The following FHOD3 variants were observed in gnomAD, a reference collection of about 807,000 sequenced individuals.
The protein encoded by FHOD3 is FH1/FH2 domain-containing protein 3.
A neutral mutation model predicts 173.0 loss-of-function variants in FHOD3; 90 were observed. That is an observed-to-expected ratio of 0.52 (90% CI 0.44 to 0.62). The LOEUF is 0.62. Ranked by LOEUF, FHOD3 falls within the 20% of genes least tolerant of loss-of-function variation. The pLI is 0.00. For missense variants in FHOD3, 1,945 were observed against 2,034.7 expected, an observed-to-expected ratio of 0.96 and a Z score of 0.85; for synonymous variants, 828 against 823.0, an observed-to-expected ratio of 1.01 and a Z score of -0.10.
At chr18:36,580,555 C>T (rs753117103) in intron 6 of FHOD3, among the ~76,000 whole-genome samples, 4 of 152,142 alleles carry the variant, frequency 2.6e-5, no homozygotes, top group Non-Finnish European at 4.4e-5. Context: ...CTGTTCTAGG[C>T]GAGTTGCTGA....
intron 24 of FHOD3, among the ~76,000 whole-genome samples, chr18:36,753,713 A>G (rs1480987866): frequency 6.6e-6 from 1 of 152,086 alleles, no homozygotes; most frequent in African/African-American, 2.4e-5. Context: ...ATCCTCACCA[A>G]CATTTGTTCT....
intron 9 of FHOD3, among the ~76,000 whole-genome samples, chr18:36,622,530 T>C (rs1380800100): frequency 1.3e-5 from 2 of 152,218 alleles, no homozygotes; most frequent in Non-Finnish European, 2.9e-5. Flanking sequence ...GTTTTTAGTT[T>C]ACAAATAGCG....
At chr18:36,599,269 C>G (rs1204555074) in intron 7 of FHOD3, among the ~76,000 whole-genome samples, 2 of 152,206 alleles carry the variant, frequency 1.3e-5, no homozygotes, top group Non-Finnish European at 2.9e-5. Context: ...TGTCCTAAAT[C>G]TCAGGTCCCA....
intron 3 of FHOD3, among the ~76,000 whole-genome samples, chr18:36,400,045 C>T (rs538998454): frequency 2.2e-4 from 33 of 152,102 alleles, no homozygotes; most frequent in Admixed American, 3.3e-4. Flanking sequence ...GGATCCTGGC[C>T]GCAGACATCT....
chr18:36,763,533 T>C lies in FHOD3; in HGVS notation c.4624+2751T>C, dbSNP rs34854912. On this transcript the variant is annotated intron_variant, in intron 27 of 28. Coordinates refer to ENST00000590592, the MANE Select transcript of FHOD3 (RefSeq NM_001281740.3). ...TATTATACACGTTATATATAATATG[T>C]GTATTATACACGTTATATATAATAT... is the stretch of plus-strand genomic sequence containing the variant. Among the ~76,000 whole-genome samples the C allele has an allele frequency of 1.6e-4, 18 of 115,556 alleles. 2 individuals are homozygous for C. Among genetic ancestry groups the C allele is most frequent in the Non-Finnish European group, 2.7e-4 (14 of 52,140 alleles). 75.8% of individuals were successfully genotyped at this position (115,556 alleles called of 152,430 possible).
intron 2 of FHOD3, among the ~76,000 whole-genome samples, chr18:36,370,898 T>C (rs2047152601): frequency 6.6e-6 from 1 of 152,200 alleles, no homozygotes; most frequent in African/African-American, 2.4e-5. Context: ...CAAAAAGCTG[T>C]CTATAATTCA....
intron 1 of FHOD3, among the ~76,000 whole-genome samples, chr18:36,298,558 G>A (rs775523943): frequency 1.9e-4 from 29 of 152,240 alleles, no homozygotes; most frequent in Middle Eastern, 3.4e-3. Flanking sequence ...CGCCGGGGAC[G>A]CCGGCCGCAC....
At chr18:36,452,719 T>A (rs1159515469) in intron 3 of FHOD3, among the ~76,000 whole-genome samples, 1 of 152,198 alleles carries the variant, frequency 6.6e-6, no homozygotes, top group Non-Finnish European at 1.5e-5. Flanking sequence ...GACTGGCTTA[T>A]TTCACTTGGC....
At chr18:36,707,146 G>A (rs923837189) in intron 17 of FHOD3, among the ~76,000 whole-genome samples, 3 of 152,202 alleles carry the variant, frequency 2.0e-5, no homozygotes, top group African/African-American at 7.2e-5. Flanking sequence ...CCTCACAGCT[G>A]TGTGCCCATT....
chr18:36,576,508 A>G lies in FHOD3; in HGVS notation c.569A>G (p.Glu190Gly). ...DGMNGVINRN[E>G]TIQWLYTLIG... ...ATGAATGGAGTAATAAACCGCAATG[A>G]AACCATTCAGTGGCTGTACACTCTC... Residue 190 changes from glutamate (E) to glycine (G), a missense_variant, in exon 6 of 29, where the codon GAA becomes GGA. Physicochemically the swap from Glu to Gly is moderately conservative, Grantham distance 98. Around this residue, in one of 5 missense-constraint regions of FHOD3, gnomAD observed 245 missense variants for 267.7 expected, o/e 0.92. Coordinates refer to ENST00000590592, the MANE Select transcript of FHOD3 (RefSeq NM_001281740.3). The G allele has an allele frequency of 6.2e-7, 1 of 1,613,900 alleles. No individual in the cohort carries two copies. The highest frequency in any genetic ancestry group is 8.5e-7 in the Non-Finnish European group (1 of 1,179,936).
intron 3 of FHOD3, among the ~76,000 whole-genome samples, chr18:36,394,046 CAG>C (rs2048432190): frequency 1.3e-5 from 2 of 152,128 alleles, no homozygotes; most frequent in Non-Finnish European, 2.9e-5. Flanking sequence ...TGAGCAGAAT[CAG>C]AGTGAATTTG....
intron 20 of FHOD3, among the ~76,000 whole-genome samples, chr18:36,734,919 A>G (rs563216942): frequency 1.3e-5 from 2 of 152,190 alleles, no homozygotes; most frequent in South Asian, 4.1e-4. Context: ...GTATGTATCC[A>G]GGTTTGTCAT....
chr18:36,641,838 C>T (rs2035326813), intron 10 of FHOD3, among the ~76,000 whole-genome samples: 1 of 151,874 alleles, frequency 6.6e-6, no homozygotes, highest in African/African-American at 2.4e-5. Flanking sequence ...TGCCTGTTAT[C>T]CCAGCTACTG....
intron 1 of FHOD3, among the ~76,000 whole-genome samples, chr18:36,311,535 A>G (rs972354620): frequency 2.0e-5 from 3 of 152,148 alleles, no homozygotes; most frequent in South Asian, 2.1e-4. Context: ...CAAGGTCCTC[A>G]TATTTTTTGT....
intron 3 of FHOD3, among the ~76,000 whole-genome samples, chr18:36,373,445 CG>C (rs1260232743): frequency 0.026 from 3 of 114 alleles, no homozygotes; most frequent in East Asian, 0.17. Flanking sequence ...AGTCTATACC[CG>C]AAAACATATT....
chr18:36,639,646 G>A (rs1371937869), intron 10 of FHOD3, among the ~76,000 whole-genome samples: 1 of 143,592 alleles, frequency 7.0e-6, no homozygotes, highest in Non-Finnish European at 1.5e-5. Flanking sequence ...CTGGGCGACA[G>A]AGCGAGACTC....
At chr18:36,542,368 A>T (rs996792711) in intron 5 of FHOD3, among the ~76,000 whole-genome samples, 1 of 152,134 alleles carries the variant, frequency 6.6e-6, no homozygotes, top group African/African-American at 2.4e-5. Flanking sequence ...ATTTTTAGGG[A>T]TTTAAAAAAT....
At chr18:36,372,187 C>A (rs1278666648) in intron 2 of FHOD3, among the ~76,000 whole-genome samples, 1 of 152,142 alleles carries the variant, frequency 6.6e-6, no homozygotes, top group African/African-American at 2.4e-5. Context: ...TCCCATTTTC[C>A]TGTAAAAGTA....
intron 3 of FHOD3, among the ~76,000 whole-genome samples, chr18:36,471,887 G>T (rs1004754864): frequency 1.3e-5 from 2 of 152,132 alleles, no homozygotes; most frequent in Non-Finnish European, 2.9e-5. Flanking sequence ...TATGAGTAAT[G>T]ATTTTCATAG....
Sources: gnomAD v4.1 joint callset for allele counts (sites outside exome capture counted in the v4.1 genomes callset) on GRCh38, gnomAD v4.1.1 for gene constraint, gnomAD v4.1.1 regional missense constraint, MANE v1.5 for transcripts, NCBI Gene and HGNC (gene_info 2026-07-23, HGNC 2026-07-21) for gene names.